Variants in ROPN1L observed in about 807,000 individuals in gnomAD.
The protein encoded by ROPN1L is rhophilin associated tail protein 1 like.
A neutral mutation model predicts 22.7 loss-of-function variants in ROPN1L; 23 were observed. The observed-to-expected ratio is 1.01, with a 90% CI of 0.73 to 1.43. The LOEUF (loss-of-function observed/expected upper bound fraction) is 1.43, where lower values mean the gene tolerates loss of function less well. Ranked by LOEUF, ROPN1L falls within the 40% of genes most tolerant of loss-of-function variation. The pLI, the probability that ROPN1L is intolerant of heterozygous loss-of-function variation, is 0.00. For missense variants in ROPN1L, 271 were observed against 291.5 expected, an observed-to-expected ratio of 0.93 and a Z score of 0.51; for synonymous variants, 116 against 117.8, an observed-to-expected ratio of 0.98 and a Z score of 0.10.
chr5:10,446,654 C>G (rs1741074416), intron 1 of ROPN1L, among the ~76,000 whole-genome samples: 2 of 49,640 alleles, frequency 4.0e-5, no homozygotes, highest in East Asian at 9.2e-4. Flanking sequence ...GAACGAGACT[C>G]TATCTCAAAA....
chr5:10,449,151 T>G (rs996233754), intron 2 of ROPN1L, among the ~76,000 whole-genome samples: 1 of 152,250 alleles, frequency 6.6e-6, no homozygotes, highest in South Asian at 2.1e-4. Context: ...CATGCTGAAA[T>G]TGCTCAAAGC....
downstream of ROPN1L, among the ~76,000 whole-genome samples, chr5:10,465,801 G>C (rs2567572): frequency 6.6e-6 from 1 of 152,124 alleles, no homozygotes; most frequent in Admixed American, 6.5e-5. Flanking sequence ...GTAGTGAGCC[G>C]AGATCGCGCC....
Position 10,442,032 on chromosome 5 carries a change from C to A in ROPN1L, c.-136C>A. On this transcript the variant is annotated 5_prime_UTR_variant, in exon 1 of 5. Transcript: ENST00000274134. ...AGAGCCCCGCGAATCCGGCCCCAAC[C>A]TCGGGAACGGGATGGGAGGCGGCCC... 1 of 1,282,670 alleles carries A rather than the reference C, an allele frequency of 7.8e-7. No individual in the cohort carries two copies. The highest frequency in any genetic ancestry group is 1.1e-6 in the Non-Finnish European group (1 of 930,044). The allele number at this position is 1,282,670 out of a possible 1,614,324, so 79.5% of individuals were successfully genotyped here.
intron 1 of ROPN1L, among the ~76,000 whole-genome samples, chr5:10,443,628 C>CA (rs367600820): frequency 0.025 from 2,918 of 115,132 alleles, 39 homozygotes; most frequent in East Asian, 0.1. Flanking sequence ...GACTCCGTCT[C>CA]AAAAAAAAAA....
the ROPN1L span, among the ~76,000 whole-genome samples, chr5:10,478,406 G>T: frequency 2.0e-5 from 3 of 152,162 alleles, no homozygotes; most frequent in Non-Finnish European, 4.4e-5. Context: ...AGTCCTGGAG[G>T]CTAGAAATTT....
intron 4 of ROPN1L, 62 bp from the exon 5 acceptor site, chr5:10,464,786 A>G (rs1735120976): frequency 3.2e-6 from 3 of 940,904 alleles, no homozygotes; most frequent in Non-Finnish European, 4.8e-6. Flanking sequence ...CATTTTATAA[A>G]AATGTTACTA....
chr5:10,470,224 C>T (rs755178779), intron 4 of ROPN1L, among the ~76,000 whole-genome samples: 5 of 152,120 alleles, frequency 3.3e-5, no homozygotes, highest in African/African-American at 4.8e-5. Context: ...GTTCAGGTCC[C>T]CCGTCCTCCA....
At chr5:10,452,542 T>TG (rs1741292837) in intron 3 of ROPN1L, among the ~76,000 whole-genome samples, 2 of 151,856 alleles carry the variant, frequency 1.3e-5, no homozygotes, top group African/African-American at 2.4e-5. Context: ...TTCACCATGT[T>TG]GGCCTGGCTG....
At chr5:10,442,521 A>G (rs536343346) in intron 1 of ROPN1L, among the ~76,000 whole-genome samples, 82 of 152,384 alleles carry the variant, frequency 5.4e-4, no homozygotes, top group South Asian at 4.8e-3. Context: ...CAAAATGCTC[A>G]CTTACCTACA....
downstream of ROPN1L, among the ~76,000 whole-genome samples, chr5:10,466,611 G>A (rs1735158344): frequency 6.6e-6 from 1 of 152,178 alleles, no homozygotes; most frequent in African/African-American, 2.4e-5. Flanking sequence ...GTAATAAAAA[G>A]CATGAAGTGT....
chr5:10,475,297 G>A (rs924503712), downstream of ROPN1L, among the ~76,000 whole-genome samples: 1 of 152,206 alleles, frequency 6.6e-6, no homozygotes, highest in African/African-American at 2.4e-5. Flanking sequence ...AGTCCTTGGG[G>A]TAATGGCTGT....
downstream of ROPN1L, among the ~76,000 whole-genome samples, chr5:10,468,254 A>T (rs1023870472): frequency 4.6e-5 from 7 of 152,194 alleles, no homozygotes; most frequent in African/African-American, 1.7e-4. Context: ...ATAAAGGGGG[A>T]TCACTCTCCA....
intron 3 of ROPN1L, among the ~76,000 whole-genome samples, chr5:10,452,118 T>C (rs149141704): frequency 0.039 from 5,966 of 151,974 alleles, 193 homozygotes; most frequent in Non-Finnish European, 0.053. Context: ...GTAGCTGGGA[T>C]TACAGGCATG....
intron 2 of ROPN1L, among the ~76,000 whole-genome samples, chr5:10,448,798 G>A (rs1365134862): frequency 1.3e-5 from 2 of 152,334 alleles, no homozygotes; most frequent in Admixed American, 6.5e-5. Flanking sequence ...TCTGGAAGGC[G>A]GGGCTGGCCT....
the ROPN1L span, chr5:10,482,166 A>C: frequency 6.7e-6 from 1 of 149,970 alleles, no homozygotes; most frequent in Non-Finnish European, 1.5e-5. Flanking sequence ...GGAGGTGGAG[A>C]TTGCAGTGAG....
At chr5:10,447,039 A>C (rs1002087274) in intron 1 of ROPN1L, among the ~76,000 whole-genome samples, 7 of 152,344 alleles carry the variant, frequency 4.6e-5, no homozygotes, top group Admixed American at 1.3e-4. Context: ...ATGAGATATG[A>C]AGTTTATTTT....
Position 10,442,039 on chromosome 5 carries a change from A to C in ROPN1L, c.-129A>C. ...CGCGAATCCGGCCCCAACCTCGGGAACGGGATGGGAGGCGGCCCTGGCCGC... is the reference window on the plus strand; with the variant it reads ...CGCGAATCCGGCCCCAACCTCGGGACCGGGATGGGAGGCGGCCCTGGCCGC... On this transcript the variant is annotated 5_prime_UTR_variant, in exon 1 of 5. Transcript: ENST00000274134. 1 of 1,301,004 alleles carries C rather than the reference A, an allele frequency of 7.7e-7. No homozygotes were observed. The highest frequency in any genetic ancestry group is 1.1e-6 in the Non-Finnish European group (1 of 944,536). The allele number at this position is 1,301,004 out of a possible 1,614,324, so 80.6% of individuals were successfully genotyped here.
At position 10,442,270 on chromosome 5, in the gene ROPN1L, C is replaced by A. The variant is rs1333113118; in HGVS notation, c.103C>A (p.Pro35Thr). Reference protein sequence around the residue: ...QFTKAAIRTQPADVLRWSAGY... With the variant: ...QFTKAAIRTQTADVLRWSAGY... ...CACCAAGGCTGCCATCCGCACCCAGCCGGCCGACGTGCTGCGGTGGTCCGC... is the reference window on the plus strand; with the variant it reads ...CACCAAGGCTGCCATCCGCACCCAGACGGCCGACGTGCTGCGGTGGTCCGC... The change falls in exon 1 of 5, where the codon CCG (proline) becomes ACG (threonine). Residue 35 changes from proline to threonine, a missense_variant. By Grantham distance (38) the Pro-to-Thr change is conservative (BLOSUM62 -1). Coordinates refer to ENST00000274134, the MANE Select transcript of ROPN1L (RefSeq NM_031916.5). The A allele has an allele frequency of 1.2e-6, 2 of 1,613,636 alleles. No individual in the cohort carries two copies. The highest frequency in any genetic ancestry group is 1.1e-5 in the South Asian group (1 of 91,088).
In ROPN1L at chr5:10,448,312, G is replaced by T. The variant is rs746611148; in HGVS notation, c.184G>T (p.Glu62Ter). The T allele has an allele frequency of 2.3e-5, 37 of 1,614,082 alleles. No individual in the cohort carries two copies. The African/African-American group carries it at 4.8e-4, about 21-fold the overall frequency. ...TCCACTTCCTGTAAAGGACAGAATG[G>T]AAATGCCCACGGCAACCCAGAAAAC... ...GDPLPVKDRM[E>*]MPTATQKTDT... The change falls in exon 2 of 5, where the codon GAA becomes TAA. Residue 62 changes from glutamate to a stop codon, truncating the protein, a stop_gained. Coordinates refer to ENST00000274134, the MANE Select transcript of ROPN1L (RefSeq NM_031916.5). LOFTEE classifies it high-confidence loss of function.
Sources: allele counts gnomAD v4.1 joint callset (sites outside exome capture counted in the v4.1 genomes callset), GRCh38; gene constraint gnomAD v4.1.1; transcripts MANE v1.5; gene names NCBI Gene and HGNC (gene_info 2026-07-23, HGNC 2026-07-21).